Variants in THSD7B observed in about 807,000 individuals in gnomAD.
THSD7B encodes the protein thrombospondin type-1 domain-containing protein 7B.
In THSD7B, 138 loss-of-function variants were observed where a neutral mutation model predicts 213.6. The observed-to-expected ratio is 0.65, with a 90% confidence interval of 0.56 to 0.74. The LOEUF (loss-of-function observed/expected upper bound fraction) is 0.74. THSD7B is among the 30% of genes least tolerant of loss of function. The probability of loss-of-function intolerance (pLI) is 0.00; values close to 1 mark genes in which losing one functional copy is unlikely to be tolerated. For synonymous variants in THSD7B, 742 were observed against 687.0 expected (o/e 1.08, Z -1.25); for missense variants, 1,931 against 1,991.5 (o/e 0.97, Z 0.58).
At chr2:137,473,457 C>T (rs1418730248) in intron 15 of THSD7B, among the ~76,000 whole-genome samples, 1 of 152,104 alleles carries the variant, frequency 6.6e-6, no homozygotes, top group African/African-American at 2.4e-5. Flanking sequence ...ATCCGCCCGC[C>T]TCGGCCTCCC....
At chr2:137,558,642 G>T (rs1573707785) in intron 15 of THSD7B, among the ~76,000 whole-genome samples, 1 of 152,276 alleles carries the variant, frequency 6.6e-6, no homozygotes, top group Admixed American at 6.5e-5. Flanking sequence ...CATTCCCTTT[G>T]AAAACTGGCA....
chr2:136,840,965 G>A (rs531404625), intron 1 of THSD7B, among the ~76,000 whole-genome samples: 2 of 152,146 alleles, frequency 1.3e-5, no homozygotes, highest in African/African-American at 4.8e-5. Context: ...CAAAGGAGAG[G>A]GAATATATTT....
chr2:137,659,860 AC>A, intron 25 of THSD7B, 114 bp downstream of exon 25: 1 of 941,408 alleles, frequency 1.1e-6, no homozygotes, highest in Non-Finnish European at 1.6e-6. Context: ...TGCCCATGAT[AC>A]CATCTAGAGG....
chr2:137,351,228 A>G (rs1685006671), intron 12 of THSD7B, among the ~76,000 whole-genome samples: 1 of 151,948 alleles, frequency 6.6e-6, no homozygotes, highest in African/African-American at 2.4e-5. Flanking sequence ...CTTAGATGCT[A>G]TTTAATAATA....
At chr2:136,997,348 A>T (rs2104821409) in intron 2 of THSD7B, among the ~76,000 whole-genome samples, 1 of 152,362 alleles carries the variant, frequency 6.6e-6, no homozygotes, top group Non-Finnish European at 1.5e-5. Flanking sequence ...ATATAAGACA[A>T]CATCTACGTG....
At chr2:136,916,660 A>G (rs561394417) in intron 2 of THSD7B, among the ~76,000 whole-genome samples, 15 of 152,328 alleles carry the variant, frequency 9.8e-5, no homozygotes, top group African/African-American at 3.4e-4. Flanking sequence ...CTCCCTGTGT[A>G]TGACATTCAG....
chr2:137,076,282 G>A lies in THSD7B; in HGVS notation c.951-18591G>A, dbSNP rs147641844. Among the ~76,000 whole-genome samples, 59 of 152,302 alleles carry A rather than the reference G, an allele frequency of 3.9e-4. No homozygotes were observed. In the East Asian group the frequency reaches 4.8e-3, roughly 12 times the overall value. ...TTTGTTTACCTAATCAAACTAATTCGACAATGGCGGGCGCCCCTCCCCCAG... is the reference window on the plus strand; with the variant it reads ...TTTGTTTACCTAATCAAACTAATTCAACAATGGCGGGCGCCCCTCCCCCAG... On this transcript the variant is annotated intron_variant, in intron 3 of 27. Transcript: ENST00000409968.
intron 12 of THSD7B, among the ~76,000 whole-genome samples, chr2:137,277,276 A>T (rs148705794): frequency 6.6e-6 from 1 of 152,068 alleles, no homozygotes. Context: ...AAGATATTTC[A>T]TATTTTCTAG....
At chr2:137,293,699 T>G (rs1683392667) in intron 12 of THSD7B, among the ~76,000 whole-genome samples, 1 of 152,094 alleles carries the variant, frequency 6.6e-6, no homozygotes, top group African/African-American at 2.4e-5. Flanking sequence ...TTTAACCAAT[T>G]ATATATTTTA....
intron 2 of THSD7B, among the ~76,000 whole-genome samples, chr2:137,013,888 G>A (rs1686285333): frequency 6.6e-6 from 1 of 152,186 alleles, no homozygotes; most frequent in African/African-American, 2.4e-5. Context: ...ATATAAGCCT[G>A]GGGTTTACGG....
chr2:137,403,755 G>T (rs1388639551), intron 12 of THSD7B, among the ~76,000 whole-genome samples: 1 of 152,224 alleles, frequency 6.6e-6, no homozygotes, highest in African/African-American at 2.4e-5. Context: ...GGAATTAGAA[G>T]AGGTGTTTTC....
chr2:136,964,260 T>G (rs2105088700), intron 2 of THSD7B, among the ~76,000 whole-genome samples: 1 of 152,194 alleles, frequency 6.6e-6, no homozygotes, highest in South Asian at 2.1e-4. Flanking sequence ...TCTAATCCTT[T>G]TAGGATTAGG....
intron 12 of THSD7B, among the ~76,000 whole-genome samples, chr2:137,300,053 C>G (rs998463314): frequency 5.3e-5 from 8 of 152,054 alleles, no homozygotes; most frequent in Non-Finnish European, 1.0e-4. Flanking sequence ...TGAGTAGAAG[C>G]AGGTGAAGGT....
chr2:137,355,212 T>G (rs1685101511), intron 12 of THSD7B, among the ~76,000 whole-genome samples: 1 of 152,194 alleles, frequency 6.6e-6, no homozygotes, highest in African/African-American at 2.4e-5. Context: ...AGTTTTATTT[T>G]TGCTGGAGCA....
intron 12 of THSD7B, among the ~76,000 whole-genome samples, chr2:137,399,993 A>G (rs1399705590): frequency 6.6e-6 from 1 of 152,074 alleles, no homozygotes; most frequent in African/African-American, 2.4e-5. Context: ...AACATTTTTA[A>G]TGTATTTTGA....
intron 15 of THSD7B, among the ~76,000 whole-genome samples, chr2:137,498,890 A>G (rs1426029956): frequency 2.6e-5 from 4 of 152,130 alleles, no homozygotes. Context: ...CAGGAATCTC[A>G]TGGAGACCTT....
At chr2:137,559,374 A>C (rs113752042) in intron 15 of THSD7B, among the ~76,000 whole-genome samples, 2,108 of 152,208 alleles carry the variant, frequency 0.014, 49 homozygotes, top group African/African-American at 0.046. Flanking sequence ...AGATATAGAC[A>C]AATGGATCAT....
At chr2:136,881,848 C>T (rs1683629020) in intron 1 of THSD7B, among the ~76,000 whole-genome samples, 1 of 151,950 alleles carries the variant, frequency 6.6e-6, no homozygotes, top group Non-Finnish European at 1.5e-5. Flanking sequence ...TTACATTGAT[C>T]TTTTTTTACC....
intron 12 of THSD7B, among the ~76,000 whole-genome samples, chr2:137,402,643 C>A (rs1365609145): frequency 2.0e-5 from 3 of 151,462 alleles, no homozygotes; most frequent in Non-Finnish European, 4.4e-5. Context: ...ATGATGAAAC[C>A]CCATCTCTAC....
Sources: gnomAD v4.1 joint callset for allele counts (sites outside exome capture counted in the v4.1 genomes callset) on GRCh38, gnomAD v4.1.1 for gene constraint, MANE v1.5 for transcripts, NCBI Gene and HGNC (gene_info 2026-07-23, HGNC 2026-07-21) for gene names.